KLHL29: variants seen among roughly 807,000 people sequenced by gnomAD.
KLHL29 encodes the protein kelch-like protein 29.
Under a neutral mutation model 80.4 loss-of-function variants are expected in KLHL29, and 21 were observed. That is an observed-to-expected ratio of 0.26 (90% CI 0.19 to 0.38). The LOEUF is 0.38. Among genes scored for constraint, KLHL29 ranks in the 10% least tolerant of loss-of-function variants. The pLI, the probability that KLHL29 is intolerant of heterozygous loss-of-function variation, is 1.00. For synonymous variants in KLHL29, 511 were observed against 526.8 expected, an observed-to-expected ratio of 0.97 and a Z score of 0.41; for missense variants, 867 against 1,223.9, an observed-to-expected ratio of 0.71 and a Z score of 4.35.
intron 5 of KLHL29, among the ~76,000 whole-genome samples, chr2:23,646,531 G>A (rs1669938223): frequency 6.6e-6 from 1 of 152,204 alleles, no homozygotes; most frequent in African/African-American, 2.4e-5. Context: ...AACCTGAGCA[G>A]GGAAAGGTAT....
chr2:23,568,039 G>A (rs760799832), intron 3 of KLHL29, among the ~76,000 whole-genome samples: 65 of 152,254 alleles, frequency 4.3e-4, no homozygotes, highest in African/African-American at 1.4e-3. Context: ...GTCACAAAGT[G>A]TGTACAAAAT....
chr2:23,687,136 A>G (rs1671296918), intron 6 of KLHL29, among the ~76,000 whole-genome samples: 2 of 152,100 alleles, frequency 1.3e-5, no homozygotes, highest in African/African-American at 2.4e-5. Context: ...TTTGACCCCA[A>G]GCAGTGGCTC....
At chr2:23,430,821 T>G (rs1464294078) in intron 1 of KLHL29, among the ~76,000 whole-genome samples, 2 of 152,214 alleles carry the variant, frequency 1.3e-5, no homozygotes, top group African/African-American at 4.8e-5. Context: ...GGTCCAGCCT[T>G]TCCATTTTAC....
chr2:23,474,375 A>G (rs903304206), intron 1 of KLHL29, among the ~76,000 whole-genome samples: 3 of 152,208 alleles, frequency 2.0e-5, no homozygotes, highest in Non-Finnish European at 2.9e-5. Flanking sequence ...CCCAGAATAC[A>G]TCGATCACCA....
At chr2:23,422,444 CCTGTGTGTTGTGTGTCTTTTTGTGT>C (rs1662845300) in intron 1 of KLHL29, among the ~76,000 whole-genome samples, 1 of 143,046 alleles carries the variant, frequency 7.0e-6, no homozygotes. Context: ...GTTGTATGTT[CCTGTGTGTTGTGTGTCTTTTTGTGT>C]CTGTGTGTTG....
chr2:23,548,584 A>G (rs978597565), intron 2 of KLHL29, among the ~76,000 whole-genome samples: 1 of 152,174 alleles, frequency 6.6e-6, no homozygotes, highest in Admixed American at 6.5e-5. Context: ...CGATGCGCCA[A>G]CCCATCTCTC....
intron 13 of KLHL29, 127 bp downstream of exon 13, chr2:23,703,990 C>T: frequency 9.0e-7 from 1 of 1,112,904 alleles, no homozygotes; most frequent in Non-Finnish European, 1.2e-6. Flanking sequence ...GGCCCTCCCC[C>T]TCCAACCACA....
chr2:23,471,412 T>G (rs1045273996), intron 1 of KLHL29, among the ~76,000 whole-genome samples: 4 of 152,210 alleles, frequency 2.6e-5, no homozygotes, highest in Non-Finnish European at 5.9e-5. Flanking sequence ...GGAACTATCT[T>G]TATTTATAGA....
intron 3 of KLHL29, among the ~76,000 whole-genome samples, chr2:23,594,510 T>C (rs1668349507): frequency 6.6e-6 from 1 of 152,186 alleles, no homozygotes; most frequent in South Asian, 2.1e-4. Flanking sequence ...GTAAACACAT[T>C]AAAAATGGCC....
At chr2:23,561,164 T>C (rs906640795) in intron 2 of KLHL29, among the ~76,000 whole-genome samples, 12 of 152,178 alleles carry the variant, frequency 7.9e-5, no homozygotes, top group African/African-American at 2.7e-4. Context: ...TGCCATGCCC[T>C]CTCCCCTCTG....
intron 1 of KLHL29, among the ~76,000 whole-genome samples, chr2:23,399,093 T>C (rs1357576231): frequency 3.3e-5 from 5 of 152,244 alleles, no homozygotes; most frequent in African/African-American, 9.6e-5. Flanking sequence ...AAGATCACCA[T>C]TGCTGACTGT....
At chr2:23,471,607 T>G (rs765691398) in intron 1 of KLHL29, among the ~76,000 whole-genome samples, 24 of 152,216 alleles carry the variant, frequency 1.6e-4, no homozygotes, top group Non-Finnish European at 3.5e-4. Flanking sequence ...TCACAAGCAG[T>G]GACTGACTAC....
At chr2:23,507,550 T>C (rs1665640068) in intron 2 of KLHL29, among the ~76,000 whole-genome samples, 1 of 152,180 alleles carries the variant, frequency 6.6e-6, no homozygotes, top group Non-Finnish European at 1.5e-5. Context: ...TACCCTGACT[T>C]TGTAGTGCCT....
intron 3 of KLHL29, among the ~76,000 whole-genome samples, chr2:23,580,185 A>G (rs1443800783): frequency 1.3e-5 from 2 of 151,972 alleles, no homozygotes; most frequent in African/African-American, 4.8e-5. Context: ...CCTGGCTAAC[A>G]TGGTGAAACC....
intron 1 of KLHL29, among the ~76,000 whole-genome samples, chr2:23,439,908 G>A (rs923098056): frequency 7.2e-5 from 11 of 151,800 alleles, no homozygotes; most frequent in Admixed American, 7.2e-4. Context: ...GTTGACAGTG[G>A]GGTGTTAAAG....
chr2:23,573,002 T>C (rs557037959), intron 3 of KLHL29, among the ~76,000 whole-genome samples: 1 of 152,330 alleles, frequency 6.6e-6, no homozygotes, highest in African/African-American at 2.4e-5. Flanking sequence ...AACAGTAATT[T>C]CTGTGGGTGC....
At chr2:23,666,671 G>A (rs939280047) in intron 5 of KLHL29, among the ~76,000 whole-genome samples, 2 of 152,370 alleles carry the variant, frequency 1.3e-5, no homozygotes, top group East Asian at 3.9e-4. Flanking sequence ...TCGTGACTGA[G>A]CGAGTTTCCT....
Position 23,532,929 on chromosome 2 carries a change from G to A in KLHL29, c.-45-29223G>A, listed in dbSNP as rs536972583. 2.0e-5 allele frequency among the ~76,000 whole-genome samples: 3 copies of A among 152,252 alleles called. No individual in the cohort carries two copies. The South Asian group carries it at 6.2e-4, about 32-fold the overall frequency. ...TGTGTGTGCACGTGGGCCGAGAGGA[G>A]GAGCTCAGCTGGCGGTGAGAAAGCC... On this transcript the variant is annotated intron_variant, in intron 2 of 13. Transcript: ENST00000486442.
intron 2 of KLHL29, among the ~76,000 whole-genome samples, chr2:23,550,331 T>A (rs970985630): frequency 6.6e-6 from 1 of 152,080 alleles, no homozygotes; most frequent in African/African-American, 2.4e-5. Context: ...GTGGGCTACG[T>A]CATGGTTTCC....
Sources: allele counts gnomAD v4.1 joint callset (sites outside exome capture counted in the v4.1 genomes callset), GRCh38; gene constraint gnomAD v4.1.1; transcripts MANE v1.5; gene names NCBI Gene and HGNC (gene_info 2026-07-23, HGNC 2026-07-21).